The following TTYH3 variants were observed in gnomAD, a reference collection of about 807,000 sequenced individuals.
TTYH3 encodes the protein protein tweety homolog 3.
TTYH3 carries 23 observed loss-of-function variants against 68.2 expected under a neutral mutation model. The observed-to-expected ratio is 0.34, with a 90% confidence interval of 0.24 to 0.48. The LOEUF is 0.48. TTYH3 is among the 20% of genes least tolerant of loss of function. The pLI, the probability that TTYH3 is intolerant of heterozygous loss-of-function variation, is 0.99. For missense variants in TTYH3, 768 were observed against 727.7 expected, an observed-to-expected ratio of 1.06 and a Z score of -0.64; for synonymous variants, 360 against 332.8, an observed-to-expected ratio of 1.08 and a Z score of -0.89.
chr7:2,637,778 C>T (rs1014477397), intron 1 of TTYH3, among the ~76,000 whole-genome samples: 13 of 152,118 alleles, frequency 8.5e-5, no homozygotes, highest in Admixed American at 7.9e-4. Context: ...CTATGTTCTG[C>T]AGGGAGCCCA....
rs539717401 is a variant in TTYH3 at position 2,661,724 on chromosome 7, C to T, written c.1557C>T (p.Ser519=). The T allele has an allele frequency of 1.1e-5, 17 of 1,610,376 alleles. No homozygotes were observed. In the East Asian group the frequency reaches 3.6e-4, roughly 34 times the overall value. ...CCACGAGCCAGCCTCGCCCTGACTC[C>T]AGCGGCAGCCACTAGACCGCGCCCG... is the stretch of plus-strand genomic sequence containing the variant. ...YLATSQPRPD[S]SGSH Residue 519 remains serine, a synonymous_variant, in exon 14 of 14, where the codon TCC becomes TCT. Transcript: ENST00000258796.
chr7:2,661,799 C>A lies in TTYH3; in HGVS notation c.*60C>A, dbSNP rs111233676. 4 of 1,540,698 alleles carry A rather than the reference C, an allele frequency of 2.6e-6. No individual in the cohort carries two copies. In the East Asian group the frequency reaches 9.5e-5, roughly 37 times the overall value. On this transcript the variant is annotated 3_prime_UTR_variant, in exon 14 of 14. Coordinates refer to ENST00000258796, the MANE Select transcript of TTYH3 (RefSeq NM_025250.3). ...CTTCCCCTCCCCGTGCCAGCACTGC[C>A]GCTTCCACCTGGGCCACCCACCGGA...
chr7:2,660,506 G>A (rs1488232222), intron 13 of TTYH3: 2 of 985,198 alleles, frequency 2.0e-6, no homozygotes. Flanking sequence ...TGGTGCGGGT[G>A]CCTGCTTGGG....
At chr7:2,657,111 T>C (rs1786355914) in intron 11 of TTYH3, among the ~76,000 whole-genome samples, 1 of 152,080 alleles carries the variant, frequency 6.6e-6, no homozygotes, top group African/African-American at 2.4e-5. Flanking sequence ...GTTTGAGTGG[T>C]GTATTGGGGT....
chr7:2,648,310 T>G, intron 5 of TTYH3: 1 of 470,358 alleles, frequency 2.1e-6, no homozygotes, highest in Non-Finnish European at 3.8e-6. Flanking sequence ...GGGGCACTTG[T>G]AGCCCAGGAC....
intron 13 of TTYH3, chr7:2,660,376 C>T (rs915042992): frequency 1.9e-5 from 19 of 985,300 alleles, no homozygotes; most frequent in Non-Finnish European, 2.2e-5. Flanking sequence ...TGTATGTGCC[C>T]GGGCCCCTGG....
At chr7:2,660,480 C>T (rs1342746154) in intron 13 of TTYH3, 1 of 985,300 alleles carries the variant, frequency 1.0e-6, no homozygotes, top group Non-Finnish European at 1.2e-6. Flanking sequence ...GTGAGCTTCT[C>T]CCGCTGGCCC....
Position 2,658,958 on chromosome 7 carries a change from C to G in TTYH3, c.1443C>G (p.Phe481Leu). The G allele has an allele frequency of 1.2e-6, 2 of 1,614,078 alleles. No individual in the cohort carries two copies. Among genetic ancestry groups the G allele is most frequent in the Non-Finnish European group, 1.7e-6 (2 of 1,179,926 alleles). Residue 481 changes from phenylalanine (F) to leucine (L), a missense_variant, in exon 13 of 14, where the codon TTC becomes TTG. Physicochemically the swap from Phe to Leu is conservative, Grantham distance 22. Transcript: ENST00000258796. ...GCCTCAGGAGCCAGAACGCTAATTTCCAGAACCCCCGCTGTGAGAACACCC... is the reference window on the plus strand; with the variant it reads ...GCCTCAGGAGCCAGAACGCTAATTTGCAGAACCCCCGCTGTGAGAACACCC... ...VTEYMSQNAN[F>L]QNPRCENTPL... is the part of the protein sequence containing the mutation.
At chr7:2,639,816 G>A (rs1785785221) in intron 1 of TTYH3, among the ~76,000 whole-genome samples, 1 of 152,182 alleles carries the variant, frequency 6.6e-6, no homozygotes, top group Non-Finnish European at 1.5e-5. Context: ...ACTTCCACAC[G>A]GAGCTGGCAC....
At chr7:2,658,143 C>T (rs1786387186) in intron 11 of TTYH3, 143 bp from the exon 12 acceptor site, 1 of 822,226 alleles carries the variant, frequency 1.2e-6, no homozygotes. Flanking sequence ...GTGACCTGCC[C>T]ACAGTCCCAC....
At chr7:2,647,111 G>T in intron 2 of TTYH3, 31 bp from the exon 3 acceptor site, 1 of 1,567,990 alleles carries the variant, frequency 6.4e-7, no homozygotes, top group Non-Finnish European at 8.6e-7. Context: ...TGGGTGGGCG[G>T]GGCTACATCT....
At chr7:2,656,234 C>A (rs752583685) in intron 10 of TTYH3, 50 bp downstream of exon 10, 1 of 1,548,180 alleles carries the variant, frequency 6.5e-7, no homozygotes, top group Non-Finnish European at 8.8e-7. Context: ...AGGGTGGGAA[C>A]AGGGGAGCAG....
chr7:2,660,682 G>A (rs1194137580), intron 13 of TTYH3: 5 of 519,298 alleles, frequency 9.6e-6, no homozygotes, highest in Non-Finnish European at 1.2e-5. Flanking sequence ...AAACCTTCTT[G>A]GTGTCCCAGG....
chr7:2,649,715 C>T (rs1030426592), intron 6 of TTYH3, 76 bp downstream of exon 6: 32 of 1,523,344 alleles, frequency 2.1e-5, no homozygotes, highest in Non-Finnish European at 2.8e-5. Flanking sequence ...AGCCACACTC[C>T]TCTCCCCTCC....
At chr7:2,652,425 C>T (rs1786209759) in intron 8 of TTYH3, among the ~76,000 whole-genome samples, 183 bp downstream of exon 8, 1 of 152,192 alleles carries the variant, frequency 6.6e-6, no homozygotes, top group Non-Finnish European at 1.5e-5. Flanking sequence ...ATGCCGGTGA[C>T]CTGGTGACCT....
chr7:2,648,918 G>GC (rs563879900), intron 5 of TTYH3, among the ~76,000 whole-genome samples: 79 of 150,052 alleles, frequency 5.3e-4, no homozygotes, highest in African/African-American at 1.9e-3. Flanking sequence ...AGTGGGGTGT[G>GC]GGGCCCGCAG....
chr7:2,661,368 G>A (rs897839322), intron 13 of TTYH3, among the ~76,000 whole-genome samples: 4 of 152,264 alleles, frequency 2.6e-5, no homozygotes, highest in East Asian at 1.9e-4. Context: ...CCCAAATGCC[G>A]CTGGTGTGGG....
rs1786196838 is a variant in TTYH3, at chr7:2,652,088, C to T, written c.872-99C>T. 3.0e-6 allele frequency: 3 copies of T among 1,009,772 alleles called. No individual in the cohort carries two copies. In the East Asian group the frequency reaches 7.4e-5, roughly 25 times the overall value. 62.6% of individuals were successfully genotyped at this position (1,009,772 alleles called of 1,614,324 possible). A position where few individuals can be genotyped will look rare whatever the true frequency, so the allele number is the denominator to read the frequency against. On this transcript the variant is annotated intron_variant, in intron 7 of 13. Coordinates refer to ENST00000258796, the MANE Select transcript of TTYH3 (RefSeq NM_025250.3). ...ACATGCACACATGTAAACATGCACG[C>T]AGATGCCCTGAAGATATGCGTGCAG...
In TTYH3 at chr7:2,648,052, G is replaced by A. The variant is rs1360929932; in HGVS notation, c.720G>A (p.Val240=). The A allele has an allele frequency of 6.2e-6, 10 of 1,608,818 alleles. No individual in the cohort carries two copies. Among genetic ancestry groups the A allele is most frequent in the Non-Finnish European group, 8.5e-6 (10 of 1,179,680 alleles). The change falls in exon 5 of 14, where the codon GTG becomes GTA. Residue 240 remains valine, a splice_region_variant and synonymous_variant. Coordinates refer to ENST00000258796, the MANE Select transcript of TTYH3 (RefSeq NM_025250.3). ...TCCGCAGCTCCAAGGGCATCCTGGTGGGGTGAGTCTGGGGGTGTCGGCCCC... is the reference window on the plus strand; with the variant it reads ...TCCGCAGCTCCAAGGGCATCCTGGTAGGGTGAGTCTGGGGGTGTCGGCCCC... The part of the protein sequence containing the change: ...GLIRSSKGIL[V]GVCLLGVLAL...
Sources: gnomAD v4.1 joint callset for allele counts (sites outside exome capture counted in the v4.1 genomes callset) on GRCh38, gnomAD v4.1.1 for gene constraint, MANE v1.5 for transcripts, NCBI Gene and HGNC (gene_info 2026-07-23, HGNC 2026-07-21) for gene names.